EML1: variants seen among roughly 807,000 people sequenced by gnomAD.
EML1 encodes the protein EMAP like 1.
EML1 carries 27 observed loss-of-function variants against 110.4 expected under a neutral mutation model. That is an observed-to-expected ratio of 0.24 (90% CI 0.18 to 0.34). EML1 has a LOEUF of 0.34. Ranked by LOEUF, EML1 falls within the 10% of genes least tolerant of loss-of-function variation. The pLI, the probability that EML1 is intolerant of heterozygous loss-of-function variation, is 1.00. For synonymous variants in EML1, 344 were observed against 385.8 expected (o/e 0.89, Z 1.27); for missense variants, 741 against 1,030.9 (o/e 0.72, Z 3.85).
chr14:99,925,440 C>G (rs1212548975), intron 17 of EML1, among the ~76,000 whole-genome samples: 2 of 151,920 alleles, frequency 1.3e-5, no homozygotes, highest in Admixed American at 6.6e-5. Context: ...TTTTTAGAGA[C>G]AGGGTATTCC....
At chr14:99,843,876 G>A (rs1244021379) in intron 1 of EML1, among the ~76,000 whole-genome samples, 1 of 152,146 alleles carries the variant, frequency 6.6e-6, no homozygotes, top group African/African-American at 2.4e-5. Flanking sequence ...TCACACATTA[G>A]AAGATTTCAC....
chr14:99,753,410 C>G (rs1438003276), intron 1 of EML1, among the ~76,000 whole-genome samples: 1 of 151,836 alleles, frequency 6.6e-6, no homozygotes, highest in Non-Finnish European at 1.5e-5. Flanking sequence ...CCTCCCTGCC[C>G]AGGACCCGCC....
chr14:99,880,001 G>A (rs1371103303), intron 4 of EML1, among the ~76,000 whole-genome samples: 2 of 152,160 alleles, frequency 1.3e-5, no homozygotes, highest in Non-Finnish European at 1.5e-5. Context: ...TTTGGTAAAT[G>A]TGCTGGGTAA....
chr14:99,865,787 C>T, intron 3 of EML1, 141 bp downstream of exon 3: 1 of 1,105,194 alleles, frequency 9.0e-7, no homozygotes, highest in Non-Finnish European at 1.2e-6. Context: ...TTATATGGTG[C>T]CATAACAAGA....
intron 1 of EML1, among the ~76,000 whole-genome samples, chr14:99,748,251 C>T (rs540085943): frequency 2.0e-5 from 3 of 152,288 alleles, no homozygotes; most frequent in African/African-American, 7.2e-5. Context: ...CAGGCCTGCC[C>T]ACTCAGAGCA....
upstream of EML1, among the ~76,000 whole-genome samples, chr14:99,768,796 C>A (rs974436925): frequency 1.3e-5 from 2 of 151,604 alleles, no homozygotes; most frequent in African/African-American, 4.9e-5. Context: ...TGGCTCACTG[C>A]AACCTCTGCC....
chr14:99,804,328 A>C (rs550778105), intron 1 of EML1, among the ~76,000 whole-genome samples: 16 of 152,116 alleles, frequency 1.1e-4, no homozygotes, highest in Non-Finnish European at 2.2e-4. Flanking sequence ...GCAGGAGAGG[A>C]GGGGAGAGAA....
intron 3 of EML1, among the ~76,000 whole-genome samples, chr14:99,868,215 T>C (rs1004762085): frequency 5.9e-5 from 9 of 152,218 alleles, no homozygotes; most frequent in African/African-American, 2.2e-4. Context: ...GTTTTCAGTT[T>C]ACTAGTATTT....
chr14:99,847,662 C>T (rs1216385470), intron 1 of EML1, among the ~76,000 whole-genome samples: 1 of 152,126 alleles, frequency 6.6e-6, no homozygotes, highest in African/African-American at 2.4e-5. Flanking sequence ...AACTTTAATT[C>T]TGTCAGTTTT....
At chr14:99,898,354 A>T in intron 8 of EML1, 52 bp downstream of exon 8, 1 of 1,540,518 alleles carries the variant, frequency 6.5e-7, no homozygotes. Flanking sequence ...AACACAAAGT[A>T]ATTTTTAGAA....
At chr14:99,834,912 C>T (rs1363690146) in intron 1 of EML1, among the ~76,000 whole-genome samples, 6 of 152,110 alleles carry the variant, frequency 3.9e-5, no homozygotes, top group South Asian at 2.1e-4. Flanking sequence ...CTCTATCTCC[C>T]GGCTTCAAGC....
In EML1 at chr14:99,939,213, C is replaced by T; in HGVS notation, c.2208C>T (p.Gly736=). 1 of 1,614,130 alleles carries T rather than the reference C, an allele frequency of 6.2e-7. No individual in the cohort carries two copies. Among genetic ancestry groups the T allele is most frequent in the African/African-American group, 1.3e-5 (1 of 75,052 alleles). Residue 736 remains glycine (G), a synonymous_variant, in exon 21 of 22, where the codon GGC becomes GGT. Transcript: ENST00000262233. The surrounding 1 kb of genome is among the most constrained non-coding windows in gnomAD (Gnocchi z 4.2). The part of the protein sequence containing the change: ...GFHVFGVWPE[G]SDGTDINAVC... ...TTGTTTTAGGAGTGTGGCCAGAAGG[C>T]TCGGACGGAACCGACATCAATGCCG...
rs150028613 is a variant in EML1, at chr14:99,807,741, C to T, written c.67+14198C>T. Among the ~76,000 whole-genome samples, 1,199 of 152,278 alleles carry T rather than the reference C, an allele frequency of 7.9e-3. 9 individuals carry two copies. Among genetic ancestry groups the T allele is most frequent in the Non-Finnish European group, 0.012 (842 of 68,022 alleles). The stretch of plus-strand genomic sequence containing the variant: ...CCACGCAGGGGAGAGAGGGTGGAGA[C>T]GGGGTCTGCAGGGCAGGCTTGAGAG... On this transcript the variant is annotated intron_variant, in intron 1 of 21. Transcript: ENST00000262233.
chr14:99,782,192 A>G (rs1390650670), intron 1 of EML1, among the ~76,000 whole-genome samples: 2 of 150,534 alleles, frequency 1.3e-5, no homozygotes, highest in Non-Finnish European at 3.0e-5. Context: ...TCCATCTTCC[A>G]TTGAAGAGGT....
intron 13 of EML1, among the ~76,000 whole-genome samples, chr14:99,913,247 T>TCACAGTTTA: frequency 6.6e-6 from 1 of 152,034 alleles, no homozygotes. Flanking sequence ...AGTGGCGTGA[T>TCACAGTTTA]CTTCAGCCTC....
At chr14:99,804,839 C>T (rs1228338205) in intron 1 of EML1, among the ~76,000 whole-genome samples, 1 of 152,136 alleles carries the variant, frequency 6.6e-6, no homozygotes, top group Non-Finnish European at 1.5e-5. Context: ...TCTGAATTGC[C>T]CAGCATCCCC....
intron 1 of EML1, among the ~76,000 whole-genome samples, chr14:99,837,195 C>G (rs1244990093): frequency 6.6e-6 from 1 of 152,118 alleles, no homozygotes; most frequent in Non-Finnish European, 1.5e-5. Context: ...CCTGGACTTA[C>G]AGCCGTGTGT....
intron 1 of EML1, among the ~76,000 whole-genome samples, chr14:99,779,067 TC>T (rs1449335849): frequency 5.9e-5 from 9 of 152,236 alleles, no homozygotes; most frequent in African/African-American, 2.2e-4. Flanking sequence ...AATTCATGTG[TC>T]ATGTTTCTTT....
intron 1 of EML1, among the ~76,000 whole-genome samples, chr14:99,774,283 A>G (rs1368959393): frequency 1.3e-5 from 2 of 152,146 alleles, no homozygotes; most frequent in Non-Finnish European, 2.9e-5. Context: ...GGTCACAGTG[A>G]CAGCGTGGCC....
Sources: gnomAD v4.1 joint callset for allele counts (sites outside exome capture counted in the v4.1 genomes callset) on GRCh38, gnomAD v4.1.1 for gene constraint, Gnocchi (gnomAD v3.1) non-coding constraint, MANE v1.5 for transcripts, NCBI Gene and HGNC (gene_info 2026-07-23, HGNC 2026-07-21) for gene names.